The following DNAH8 variants were observed in gnomAD, a reference collection of about 807,000 sequenced individuals.
DNAH8 encodes the protein dynein axonemal heavy chain 8.
In DNAH8, 382 loss-of-function variants were observed where a neutral mutation model predicts 562.1. That is an observed-to-expected ratio of 0.68 (90% CI 0.63 to 0.74). The LOEUF is 0.74. Ranked by LOEUF, DNAH8 falls within the 30% of genes least tolerant of loss-of-function variation. The pLI, the probability that DNAH8 is intolerant of heterozygous loss-of-function variation, is 0.00. For missense variants in DNAH8, 5,203 were observed against 5,620.4 expected, an observed-to-expected ratio of 0.93 and a Z score of 2.37; for synonymous variants, 1,881 against 1,919.4, an observed-to-expected ratio of 0.98 and a Z score of 0.52.
chr6:38,917,179 TC>T lies in DNAH8; in HGVS notation c.10141-58del, dbSNP rs1401663224. The T allele has an allele frequency of 5.1e-6, 6 of 1,178,800 alleles. No individual in the cohort carries two copies. In the African/African-American group the frequency reaches 9.5e-5, roughly 19 times the overall value. The allele number at this position is 1,178,800 out of a possible 1,614,324, so 73.0% of individuals were successfully genotyped here. A position where few individuals can be genotyped will look rare whatever the true frequency, so the allele number is the denominator to read the frequency against. On this transcript the variant is annotated intron_variant, in intron 68 of 92. Coordinates refer to ENST00000327475, the MANE Select transcript of DNAH8 (RefSeq NM_001206927.2). Reference sequence around the variant, plus strand: ...CTTAATTATTGAAAAGTATTAGATTTCCATATAACTATTAATACCACTCAAC... The same window carrying T: ...CTTAATTATTGAAAAGTATTAGATTTCATATAACTATTAATACCACTCAAC...
At chr6:38,846,013 C>G (rs1360031791) in intron 36 of DNAH8, among the ~76,000 whole-genome samples, 1 of 152,068 alleles carries the variant, frequency 6.6e-6, no homozygotes, top group African/African-American at 2.4e-5. Context: ...AATTATTCCT[C>G]CCCAGACTGG....
rs779173261 is a variant in DNAH8, at chr6:38,722,784, G to A, written c.-26G>A. ...CTATGTTATAATTCTAGGTTTCGAAGTATAAAGCATTCCGCACGACGGGGG... is the reference window on the plus strand; with the variant it reads ...CTATGTTATAATTCTAGGTTTCGAAATATAAAGCATTCCGCACGACGGGGG... On this transcript the variant is annotated 5_prime_UTR_variant, in exon 2 of 93. Transcript: ENST00000327475. The A allele has an allele frequency of 1.9e-6, 3 of 1,547,008 alleles. No individual in the cohort carries two copies. The highest frequency in any genetic ancestry group is 4.5e-5 in the East Asian group (2 of 44,278).
At chr6:38,915,416 AG>A (rs1319778065) in intron 68 of DNAH8, 39 bp downstream of exon 68, 1 of 1,422,870 alleles carries the variant, frequency 7.0e-7, no homozygotes, top group African/African-American at 1.5e-5. Flanking sequence ...CACAAGTCCT[AG>A]AAGGCTTCAT....
intron 8 of DNAH8, among the ~76,000 whole-genome samples, chr6:38,744,642 G>T (rs553789018): frequency 2.6e-5 from 4 of 151,918 alleles, no homozygotes; most frequent in Admixed American, 2.0e-4. Context: ...ACTTAGGCTG[G>T]AGTGCAGTGG....
chr6:38,797,776 A>G (rs1376366951), intron 21 of DNAH8, among the ~76,000 whole-genome samples: 1 of 152,158 alleles, frequency 6.6e-6, no homozygotes. Context: ...TAAAAAGTTT[A>G]AAAAGTGATC....
chr6:38,920,524 T>A (rs1781619963), intron 70 of DNAH8, among the ~76,000 whole-genome samples: 1 of 152,180 alleles, frequency 6.6e-6, no homozygotes, highest in South Asian at 2.1e-4. Context: ...TACAGTAATT[T>A]CACTTGCAGA....
chr6:38,931,948 A>G lies in DNAH8; in HGVS notation c.11412A>G (p.Gly3804=). 3 of 1,609,424 alleles carry G rather than the reference A, an allele frequency of 1.9e-6. No individual in the cohort carries two copies. The highest frequency in any genetic ancestry group is 2.5e-6 in the Non-Finnish European group (3 of 1,178,390). ...SVIDFTVTMK[G]LENQLLRRVI... ...TTGATTTCACTGTTACAATGAAAGG[A>G]CTTGAGAATCAGTTACTAAGGAGAG... The change falls in exon 76 of 93, where the codon GGA becomes GGG. Residue 3804 remains glycine (G), a synonymous_variant. Coordinates refer to ENST00000327475, the MANE Select transcript of DNAH8 (RefSeq NM_001206927.2).
At chr6:38,800,004 A>G (rs1770630123) in intron 21 of DNAH8, among the ~76,000 whole-genome samples, 1 of 152,180 alleles carries the variant, frequency 6.6e-6, no homozygotes, top group Non-Finnish European at 1.5e-5. Flanking sequence ...ACTGGAATGC[A>G]GTAGTGTGAA....
intron 60 of DNAH8, among the ~76,000 whole-genome samples, chr6:38,897,946 CAA>C (rs1312908488): frequency 6.6e-6 from 1 of 151,818 alleles, no homozygotes. Flanking sequence ...AAGCTGCAAA[CAA>C]TATTAAAAAG....
intron 76 of DNAH8, among the ~76,000 whole-genome samples, chr6:38,932,217 C>CA (rs1554138852): frequency 1.6e-5 from 2 of 122,580 alleles, no homozygotes; most frequent in South Asian, 2.3e-4. Context: ...CACACACACA[C>CA]CCGTCTCTTT....
intron 1 of DNAH8, among the ~76,000 whole-genome samples, chr6:38,715,956 A>ATTTTTTTTTTT (rs1562521493): frequency 7.4e-5 from 2 of 27,022 alleles, no homozygotes; most frequent in African/African-American, 4.0e-4. Context: ...ATATATATAT[A>ATTTTTTTTTTT]TATATTTTTT....
chr6:38,756,990 T>C (rs536867436), intron 10 of DNAH8, among the ~76,000 whole-genome samples: 1 of 152,278 alleles, frequency 6.6e-6, no homozygotes, highest in South Asian at 2.1e-4. Context: ...TACGTGTGCA[T>C]GTGTCTTTAT....
At chr6:39,019,506 G>T (rs762628811) in intron 91 of DNAH8, among the ~76,000 whole-genome samples, 5 of 152,200 alleles carry the variant, frequency 3.3e-5, no homozygotes, top group African/African-American at 4.8e-5. Flanking sequence ...TGAGAATTCT[G>T]TTGAGGCTCT....
Position 38,826,185 on chromosome 6 carries a change from G to A in DNAH8, c.3877G>A (p.Ala1293Thr). 1 of 1,610,878 alleles carries A rather than the reference G, an allele frequency of 6.2e-7. No homozygotes were observed. Among genetic ancestry groups the A allele is most frequent in the South Asian group, 1.1e-5 (1 of 90,014 alleles). ...EPMKLALSIE[A>T]KAWKMLLCRY... ...GATGAAATTGGCCTTATCCATCGAG[G>A]CCAAGGCATGGAAGATGTTACTCTG... The change falls in exon 29 of 93, where the codon GCC (alanine) becomes ACC (threonine). Residue 1293 changes from alanine to threonine, a missense_variant. Transcript: ENST00000327475.
chr6:38,983,207 C>T (rs1013122299), intron 86 of DNAH8, among the ~76,000 whole-genome samples: 5 of 152,154 alleles, frequency 3.3e-5, no homozygotes, highest in South Asian at 2.1e-4. Context: ...CTGTGAGGAA[C>T]GAATGAGTTA....
intron 86 of DNAH8, among the ~76,000 whole-genome samples, chr6:38,983,262 C>A (rs1213130716): frequency 6.6e-6 from 1 of 152,186 alleles, no homozygotes; most frequent in African/African-American, 2.4e-5. Context: ...AGAGCTCATT[C>A]AATATGACTC....
chr6:38,883,015 CAA>C lies in DNAH8; in HGVS notation c.7966_7967del (p.Asn2656PhefsTer11). ...GTTCCAAATGTTGACAATATTAGAA[CAA>C]ATTTTTTGATAGACACCATTGCAAA... On this transcript the variant is annotated frameshift_variant, in exon 54 of 93. Transcript: ENST00000327475. LOFTEE classifies it high-confidence loss of function. The C allele has an allele frequency of 6.2e-7, 1 of 1,601,780 alleles. No individual in the cohort carries two copies. Among genetic ancestry groups the C allele is most frequent in the African/African-American group, 1.3e-5 (1 of 74,450 alleles).
chr6:38,857,230 A>G (rs1055498265), intron 41 of DNAH8, among the ~76,000 whole-genome samples: 1 of 152,228 alleles, frequency 6.6e-6, no homozygotes, highest in African/African-American at 2.4e-5. Flanking sequence ...GTTGCATGGA[A>G]GTATCCAATA....
intron 80 of DNAH8, among the ~76,000 whole-genome samples, chr6:38,948,290 A>C (rs1761598439): frequency 6.6e-6 from 1 of 152,026 alleles, no homozygotes; most frequent in Non-Finnish European, 1.5e-5. Flanking sequence ...AGCCTTTGCT[A>C]TTTGCTATTA....
Sources: allele counts gnomAD v4.1 joint callset (sites outside exome capture counted in the v4.1 genomes callset), GRCh38; gene constraint gnomAD v4.1.1; transcripts MANE v1.5; gene names NCBI Gene and HGNC (gene_info 2026-07-23, HGNC 2026-07-21).